Variants in TPSG1 observed in about 807,000 individuals in gnomAD.
TPSG1 encodes tryptase gamma.
A neutral mutation model predicts 23.8 loss-of-function variants in TPSG1; 43 were observed. The ratio of observed to expected loss-of-function variants is 1.81; its 90% confidence interval spans 1.42 to 2.33. The LOEUF (loss-of-function observed/expected upper bound fraction) is 2.33. Among genes scored for constraint, TPSG1 ranks in the 30% most tolerant of loss-of-function variants. The pLI, the probability that TPSG1 is intolerant of heterozygous loss-of-function variation, is 0.00. For missense variants in TPSG1, 623 were observed against 438.6 expected (o/e 1.42, Z -3.75); for synonymous variants, 302 against 201.3 (o/e 1.50, Z -4.23).
At chr16:1,223,678 C>T (rs2029980486) in intron 2 of TPSG1, 84 bp from the exon 3 acceptor site, 3 of 1,447,960 alleles carry the variant, frequency 2.1e-6, no homozygotes, top group Admixed American at 5.3e-5. Context: ...CTGACCACAC[C>T]TCCCTGCCTT....
At position 1,222,735 on chromosome 16, in the gene TPSG1, G is replaced by A; in HGVS notation, c.428C>T (p.Pro143Leu). 1.9e-6 allele frequency: 3 copies of A among 1,611,418 alleles called. No individual in the cohort carries two copies. The highest frequency in any genetic ancestry group is 2.2e-5 in the South Asian group (2 of 91,014). Residue 143 changes from proline to leucine, a missense_variant, in exon 4 of 6, where the codon CCC (proline) becomes CTC (leucine). Physicochemically the swap from Pro to Leu is moderately conservative, Grantham distance 98. Transcript: ENST00000234798. Reference protein sequence around the residue: ...VPVTLSSRILPVCLPEASDDF... With the variant: ...VPVTLSSRILLVCLPEASDDF... Reference sequence around the variant, plus strand: ...ATCTGAGGCCTCCGGGAGGCAGACGGGCAGGATCCGGCTGGAGAGGGTCAC... The same window carrying A: ...ATCTGAGGCCTCCGGGAGGCAGACGAGCAGGATCCGGCTGGAGAGGGTCAC...
In TPSG1 at chr16:1,222,843, A is replaced by T. The variant is rs201474373; in HGVS notation, c.320T>A (p.Val107Glu). The change falls in exon 4 of 6, where the codon GTG becomes GAG. Residue 107 changes from valine (V) to glutamate (E), a missense_variant. Transcript: ENST00000234798. ...GCTGGAGTGCAGGATGATCTGCCTCACGGTGGAGAAGTGGGGAGACAGAGT... is the reference window on the plus strand; with the variant it reads ...GCTGGAGTGCAGGATGATCTGCCTCTCGGTGGAGAAGTGGGGAGACAGAGT... ...EITLSPHFST[V>E]RQIILHSSPS... The T allele has an allele frequency of 6.2e-7, 1 of 1,611,320 alleles. No individual in the cohort carries two copies. The highest frequency in any genetic ancestry group is 2.2e-5 in the East Asian group (1 of 44,848).
chr16:1,222,590 C>T, intron 4 of TPSG1, 62 bp downstream of exon 4: 2 of 1,514,978 alleles, frequency 1.3e-6, no homozygotes, highest in Non-Finnish European at 8.8e-7. Flanking sequence ...ATCCCTCAAG[C>T]CAGCTCTCTT....
intron 2 of TPSG1, chr16:1,224,288 G>A (rs1048628249): frequency 1.5e-5 from 5 of 336,800 alleles, no homozygotes; most frequent in African/African-American, 6.5e-5. Flanking sequence ...TCTCCCACAC[G>A]GCAAAGCCCC....
chr16:1,223,193 A>C (rs75241984), intron 3 of TPSG1, among the ~76,000 whole-genome samples: 3,625 of 152,302 alleles, frequency 0.024, 76 homozygotes, highest in East Asian at 0.095. Context: ...CCACGTGAAG[A>C]GACCGAGGGG....
intron 3 of TPSG1, among the ~76,000 whole-genome samples, chr16:1,223,217 G>C (rs916237749): frequency 6.6e-6 from 1 of 152,218 alleles, no homozygotes; most frequent in Non-Finnish European, 1.5e-5. Flanking sequence ...GAAGGAGGGA[G>C]GGAGCTGTCC....
At chr16:1,223,122 A>G (rs1175216589) in intron 3 of TPSG1, among the ~76,000 whole-genome samples, 1 of 152,212 alleles carries the variant, frequency 6.6e-6, no homozygotes, top group Non-Finnish European at 1.5e-5. Context: ...GCCCCTGGAA[A>G]AGCCAGCAGC....
At chr16:1,223,674 A>G (rs531411308) in intron 2 of TPSG1, 80 bp from the exon 3 acceptor site, 1 of 1,459,506 alleles carries the variant, frequency 6.9e-7, no homozygotes, top group Non-Finnish European at 9.1e-7. Context: ...TTCCCTGACC[A>G]CACCTCCCTG....
chr16:1,224,654 A>T, intron 1 of TPSG1, 26 bp from the exon 2 acceptor site: 1 of 1,613,420 alleles, frequency 6.2e-7, no homozygotes, highest in Non-Finnish European at 8.5e-7. Flanking sequence ...AGGGCCCAGG[A>T]TGGAGGGGGC....
intron 4 of TPSG1, 43 bp downstream of exon 4, chr16:1,222,609 C>A: frequency 6.6e-7 from 1 of 1,518,378 alleles, no homozygotes; most frequent in Middle Eastern, 2.4e-4. Context: ...TTCCTGCCGC[C>A]CTTGCCTTCC....
chr16:1,223,273 G>A (rs532154516), intron 3 of TPSG1, 150 bp downstream of exon 3: 2 of 1,086,224 alleles, frequency 1.8e-6, no homozygotes, highest in African/African-American at 3.2e-5. Context: ...CAGAAGGTGG[G>A]CAACCAGCTC....
At chr16:1,224,741 G>C (rs1304332378) in intron 1 of TPSG1, 113 bp from the exon 2 acceptor site, 2 of 1,360,036 alleles carry the variant, frequency 1.5e-6, no homozygotes, top group African/African-American at 1.4e-5. Flanking sequence ...GCCTGGTCCT[G>C]AGCAGAGGGG....
At position 1,222,768 on chromosome 16, in the gene TPSG1, C is replaced by CA. The variant is rs1491227239; in HGVS notation, c.394_395insT (p.Ser132MetfsTer21). ...CCGGCTGGAGAGGGTCACGGGGACA[C>CA]TGAGCTCCACCAGGGCGATGTCCCC... is the stretch of plus-strand genomic sequence containing the variant. On this transcript the variant is annotated frameshift_variant, in exon 4 of 6. Transcript: ENST00000234798. LOFTEE classifies it high-confidence loss of function. 1 of 1,612,354 alleles carries CA rather than the reference C, an allele frequency of 6.2e-7. No individual in the cohort carries two copies. The highest frequency in any genetic ancestry group is 8.5e-7 in the Non-Finnish European group (1 of 1,179,768).
chr16:1,224,659 G>C lies in TPSG1; in HGVS notation c.47-31C>G, dbSNP rs758910770. 8 of 1,613,520 alleles carry C rather than the reference G, an allele frequency of 5.0e-6. No individual in the cohort carries two copies. The Admixed American group carries it at 1.3e-4, about 27-fold the overall frequency. On this transcript the variant is annotated intron_variant, in intron 1 of 5. Transcript: ENST00000234798. Reference sequence around the variant, plus strand: ...GGAAAGACGAAGGGCCCAGGATGGAGGGGGCTGCCAAGGAGAGGGGTGTGC... The same window carrying C: ...GGAAAGACGAAGGGCCCAGGATGGACGGGGCTGCCAAGGAGAGGGGTGTGC...
intron 2 of TPSG1, 123 bp from the exon 3 acceptor site, chr16:1,223,717 G>C: frequency 1.7e-6 from 2 of 1,194,162 alleles, no homozygotes; most frequent in South Asian, 1.5e-5. Context: ...CAGCTCTCTC[G>C]TCTGCCAGAC....
intron 4 of TPSG1, 125 bp downstream of exon 4, chr16:1,222,527 G>T: frequency 7.3e-7 from 1 of 1,375,294 alleles, no homozygotes; most frequent in Non-Finnish European, 9.9e-7. Flanking sequence ...ACAGCCGATA[G>T]GGGCGGCCTT....
At chr16:1,222,615 C>G in intron 4 of TPSG1, 37 bp downstream of exon 4, 1 of 1,519,766 alleles carries the variant, frequency 6.6e-7, no homozygotes, top group Non-Finnish European at 8.8e-7. Context: ...CCGCCCTTGC[C>G]TTCCTCCATC....
At chr16:1,222,487 T>G in intron 4 of TPSG1, 146 bp from the exon 5 acceptor site, 4 of 1,268,682 alleles carry the variant, frequency 3.2e-6, no homozygotes, top group South Asian at 1.4e-5. Context: ...GGCTGCTGCT[T>G]TGGATCCACA....
In TPSG1 at chr16:1,223,511, C is replaced by T. The variant is rs1318404126; in HGVS notation, c.157G>A (p.Ala53Thr). Residue 53 changes from alanine (A) to threonine (T), a missense_variant, in exon 3 of 6, where the codon GCC becomes ACC. By Grantham distance (58) the Ala-to-Thr change is moderately conservative. Transcript: ENST00000234798. Reference protein sequence around the residue: ...AAPAGAWPWQASLRLRRVHVC... With the variant: ...AAPAGAWPWQTSLRLRRVHVC... ...TGCACCCTCCGCAGGCGGAGGCTGG[C>T]CTGCCATGGCCATGCGCCGGCCGGG... The T allele has an allele frequency of 5.8e-6, 9 of 1,562,478 alleles. No homozygotes were observed. The Admixed American group carries it at 1.1e-4, about 20-fold the overall frequency.
Sources: gnomAD v4.1 joint callset for allele counts (sites outside exome capture counted in the v4.1 genomes callset) on GRCh38, gnomAD v4.1.1 for gene constraint, MANE v1.5 for transcripts, NCBI Gene and HGNC (gene_info 2026-07-23, HGNC 2026-07-21) for gene names.